The following ZNF804B variants were observed in gnomAD, a reference collection of about 807,000 sequenced individuals.
The protein encoded by ZNF804B is zinc finger 804B.
Under a neutral mutation model 101.4 loss-of-function variants are expected in ZNF804B, and 80 were observed. The observed-to-expected ratio is 0.79, with a 90% CI of 0.66 to 0.95. The LOEUF is 0.95. Ranked by LOEUF, ZNF804B falls within the 40% of genes least tolerant of loss-of-function variation. The probability of loss-of-function intolerance (pLI) is 0.00; values close to 1 mark genes in which losing one functional copy is unlikely to be tolerated. For missense variants in ZNF804B, 1,673 were observed against 1,561.9 expected (o/e 1.07, Z -1.20); for synonymous variants, 622 against 558.8 (o/e 1.11, Z -1.59).
chr7:88,762,001 G>A (rs1297985944), intron 1 of ZNF804B, among the ~76,000 whole-genome samples: 1 of 152,046 alleles, frequency 6.6e-6, no homozygotes, highest in Non-Finnish European at 1.5e-5. Flanking sequence ...GTTGACCAGG[G>A]TTCACCAGGT....
At chr7:88,909,525 C>T (rs1034308801) in intron 1 of ZNF804B, among the ~76,000 whole-genome samples, 9 of 151,722 alleles carry the variant, frequency 5.9e-5, no homozygotes, top group African/African-American at 2.2e-4. Context: ...GAGCAGACTT[C>T]ATTTTATTTC....
chr7:88,858,201 AC>A (rs1791599465), intron 1 of ZNF804B, among the ~76,000 whole-genome samples: 1 of 151,984 alleles, frequency 6.6e-6, no homozygotes, highest in African/African-American at 2.4e-5. Flanking sequence ...AAGTCTAAAT[AC>A]TTCTCCTCAA....
chr7:89,246,232 GAT>G (rs1789443738), intron 2 of ZNF804B, among the ~76,000 whole-genome samples: 1 of 152,174 alleles, frequency 6.6e-6, no homozygotes, highest in Non-Finnish European at 1.5e-5. Flanking sequence ...GACAAGAGGA[GAT>G]ATATGACAGC....
intron 1 of ZNF804B, among the ~76,000 whole-genome samples, chr7:89,149,741 A>G (rs1025330943): frequency 2.0e-5 from 3 of 151,686 alleles, no homozygotes; most frequent in Non-Finnish European, 2.9e-5. Flanking sequence ...TCCTGACCCA[A>G]TGAAGCAAAT....
intron 1 of ZNF804B, among the ~76,000 whole-genome samples, chr7:89,119,766 A>G (rs1386922471): frequency 6.6e-6 from 1 of 152,246 alleles, no homozygotes; most frequent in Non-Finnish European, 1.5e-5. Context: ...GGTAGAACCA[A>G]CTAGCCTTGT....
chr7:89,113,666 A>T (rs1790255735), intron 1 of ZNF804B, among the ~76,000 whole-genome samples: 1 of 152,084 alleles, frequency 6.6e-6, no homozygotes, highest in African/African-American at 2.4e-5. Flanking sequence ...GAAAGGTAAA[A>T]AACAGGCCAG....
intron 2 of ZNF804B, among the ~76,000 whole-genome samples, chr7:89,319,049 T>A (rs369208857): frequency 1.3e-5 from 2 of 152,190 alleles, no homozygotes; most frequent in South Asian, 4.1e-4. Context: ...CTCATGCTAA[T>A]TGTCTGTGGC....
intron 1 of ZNF804B, among the ~76,000 whole-genome samples, chr7:89,046,087 T>C (rs1789100712): frequency 6.6e-6 from 1 of 152,058 alleles, no homozygotes; most frequent in Non-Finnish European, 1.5e-5. Flanking sequence ...AGTGAGTGAG[T>C]TCTCCCGAGA....
At chr7:89,232,093 C>T (rs1249774204) in intron 2 of ZNF804B, among the ~76,000 whole-genome samples, 1 of 151,922 alleles carries the variant, frequency 6.6e-6, no homozygotes, top group African/African-American at 2.4e-5. Context: ...ATTTTTTTTA[C>T]TCCTAGTTTA....
chr7:89,006,514 G>A (rs1788370596), intron 1 of ZNF804B, among the ~76,000 whole-genome samples: 1 of 151,958 alleles, frequency 6.6e-6, no homozygotes, highest in African/African-American at 2.4e-5. Context: ...TTTCAATCTT[G>A]TATGGAGTAA....
At position 89,336,434 on chromosome 7, in the gene ZNF804B, C is replaced by A. The variant is rs1452967212; in HGVS notation, c.3452C>A (p.Ser1151Tyr). The part of the protein sequence containing the change: ...PPLIQQPITF[S>Y]PDEIDKYKIL... ...TTAATTCAACAGCCCATAACATTTT[C>A]TCCTGACGAAATAGATAAATATAAG... Residue 1151 changes from serine to tyrosine, a missense_variant, in exon 4 of 4, where the codon TCT becomes TAT. Transcript: ENST00000333190. 6.2e-7 allele frequency: 1 copy of A among 1,614,086 alleles called. No homozygotes were observed. The highest frequency in any genetic ancestry group is 8.5e-7 in the Non-Finnish European group (1 of 1,179,998).
chr7:89,160,513 C>T lies in ZNF804B; in HGVS notation c.109-57642C>T, dbSNP rs143368519. Reference sequence around the variant, plus strand: ...GTTCTTTAGCACCAATGTCACTAAACGAAATTAACATTTAAGCTGATTAGT... The same window carrying T: ...GTTCTTTAGCACCAATGTCACTAAATGAAATTAACATTTAAGCTGATTAGT... On this transcript the variant is annotated intron_variant, in intron 1 of 3. Transcript: ENST00000333190. Among the ~76,000 whole-genome samples, 269 of 152,128 alleles carry T rather than the reference C, an allele frequency of 1.8e-3. 1 individual carries two copies. The highest frequency in any genetic ancestry group is 6.0e-3 in the African/African-American group (249 of 41,540).
intron 2 of ZNF804B, among the ~76,000 whole-genome samples, chr7:89,325,589 TA>T (rs1429973703): frequency 6.6e-6 from 1 of 151,956 alleles, no homozygotes; most frequent in Non-Finnish European, 1.5e-5. Flanking sequence ...AATAAAAGTA[TA>T]GTCCTGGAAT....
At chr7:88,870,966 A>G (rs1416188861) in intron 1 of ZNF804B, among the ~76,000 whole-genome samples, 1 of 152,058 alleles carries the variant, frequency 6.6e-6, no homozygotes, top group South Asian at 2.1e-4. Flanking sequence ...TGTTAATAAG[A>G]TTCAGTAATG....
At chr7:89,143,932 A>G (rs1562896161) in intron 1 of ZNF804B, among the ~76,000 whole-genome samples, 1 of 152,150 alleles carries the variant, frequency 6.6e-6, no homozygotes, top group East Asian at 1.9e-4. Flanking sequence ...CCTTAAATTA[A>G]TGCTGGTATA....
intron 1 of ZNF804B, among the ~76,000 whole-genome samples, chr7:89,113,847 G>C (rs1386346788): frequency 6.6e-6 from 1 of 151,930 alleles, no homozygotes; most frequent in Non-Finnish European, 1.5e-5. Context: ...TATTCAGGAG[G>C]CTGAGGCACG....
intron 2 of ZNF804B, among the ~76,000 whole-genome samples, chr7:89,258,805 ATATTGAC>A (rs1311329295): frequency 7.2e-5 from 11 of 152,126 alleles, no homozygotes; most frequent in Admixed American, 6.5e-4. Flanking sequence ...AAGAAAAAAT[ATATTGAC>A]TATTAAGTCA....
intron 2 of ZNF804B, among the ~76,000 whole-genome samples, chr7:89,294,057 T>C (rs1790342242): frequency 6.6e-6 from 1 of 152,224 alleles, no homozygotes. Flanking sequence ...AGGCTCACAT[T>C]CTTTCTCTTC....
chr7:88,877,814 A>G (rs547546834), intron 1 of ZNF804B, among the ~76,000 whole-genome samples: 4 of 152,264 alleles, frequency 2.6e-5, no homozygotes, highest in African/African-American at 9.6e-5. Flanking sequence ...ACTCAGAACC[A>G]GAGCCAATAT....
Sources: allele counts gnomAD v4.1 joint callset (sites outside exome capture counted in the v4.1 genomes callset), GRCh38; gene constraint gnomAD v4.1.1; transcripts MANE v1.5; gene names NCBI Gene and HGNC (gene_info 2026-07-23, HGNC 2026-07-21).